SLCO1C1: variants seen among roughly 807,000 people sequenced by gnomAD.
The protein encoded by SLCO1C1 is solute carrier organic anion transporter family member 1C1, also known as OAT-RP-5.
In SLCO1C1, 70 loss-of-function variants were observed where a neutral mutation model predicts 76.4. The ratio of observed to expected loss-of-function variants is 0.92; its 90% CI spans 0.76 to 1.12. SLCO1C1 has a LOEUF of 1.12. Among genes scored for constraint, SLCO1C1 ranks in the 50% most tolerant of loss-of-function variants. The pLI is 0.00. For synonymous variants in SLCO1C1, 306 were observed against 286.1 expected (o/e 1.07, Z -0.70); for missense variants, 912 against 823.8 (o/e 1.11, Z -1.31).
Position 20,743,381 on chromosome 12 carries a change from C to T in SLCO1C1, c.1798+12C>T. 1 of 1,604,236 alleles carries T rather than the reference C, an allele frequency of 6.2e-7. No individual in the cohort carries two copies. Among genetic ancestry groups the T allele is most frequent in the Non-Finnish European group, 8.5e-7 (1 of 1,172,356 alleles). On this transcript the variant is annotated intron_variant, in intron 13 of 14. Transcript: ENST00000266509. ...AATAAGAGTTCTTGGTAAGTTTAAC[C>T]TATGCTTTAATTTATGGTAGACACC...
intron 9 of SLCO1C1, among the ~76,000 whole-genome samples, chr12:20,728,470 C>T (rs1948127579): frequency 6.6e-6 from 1 of 151,686 alleles, no homozygotes; most frequent in Admixed American, 6.6e-5. Context: ...TAGACAAGAT[C>T]TCTAGTAGAC....
intron 13 of SLCO1C1, among the ~76,000 whole-genome samples, chr12:20,746,219 A>G (rs1554144): frequency 0.43 from 65,996 of 151,796 alleles, 17,036 homozygotes; most frequent in South Asian, 0.63. Context: ...AATAGTAGCA[A>G]CCGTAGTAAC....
At chr12:20,743,454 T>G in intron 13 of SLCO1C1, 85 bp downstream of exon 13, 1 of 1,089,328 alleles carries the variant, frequency 9.2e-7, no homozygotes, top group Middle Eastern at 2.4e-4. Context: ...AGAATTGCCA[T>G]GCATAAATAT....
chr12:20,735,780 G>A (rs1243527786), intron 10 of SLCO1C1, among the ~76,000 whole-genome samples: 1 of 152,044 alleles, frequency 6.6e-6, no homozygotes, highest in Non-Finnish European at 1.5e-5. Context: ...AGAGGCAGAG[G>A]CTCAAGTGAT....
At chr12:20,747,932 C>G (rs1381216345) in intron 13 of SLCO1C1, among the ~76,000 whole-genome samples, 1 of 152,206 alleles carries the variant, frequency 6.6e-6, no homozygotes, top group Non-Finnish European at 1.5e-5. Context: ...GTGTCCCTAA[C>G]TACTTACCCA....
Position 20,701,455 on chromosome 12 carries a change from A to G in SLCO1C1, c.267A>G (p.Glu89=). The change falls in exon 3 of 15, where the codon GAA becomes GAG. Residue 89 remains glutamate (E), a synonymous_variant. Transcript: ENST00000266509. ...TGGGAGTTATTGATGGTAGTTTTGA[A>G]ATTGGTAGGTATTACAGATGCCTGA... ...SLVGVIDGSF[E]IGNLLVITFV... is the part of the protein sequence containing the mutation. 6.7e-7 allele frequency: 1 copy of G among 1,502,530 alleles called. No homozygotes were observed. 93.1% of individuals were successfully genotyped at this position (1,502,530 alleles called of 1,614,324 possible).
Position 20,715,141 on chromosome 12 carries a change from TGTGAA to T in SLCO1C1, c.536_540del (p.Glu179GlyfsTer3), listed in dbSNP as rs1565511860. ...CTCTGGTTTGCCTTTCTTTCAAGAA[TGTGAA>T]GTGGACACTAGCTCTTCCATGTGGA... On this transcript the variant is annotated frameshift_variant, in exon 6 of 15. Coordinates refer to ENST00000266509, the MANE Select transcript of SLCO1C1 (RefSeq NM_017435.5). LOFTEE classifies it high-confidence loss of function. 2 of 1,613,728 alleles carry T rather than the reference TGTGAA, an allele frequency of 1.2e-6. No homozygotes were observed. Among genetic ancestry groups the T allele is most frequent in the African/African-American group, 2.7e-5 (2 of 74,930 alleles).
chr12:20,724,033 TA>T (rs985462255), intron 9 of SLCO1C1, among the ~76,000 whole-genome samples: 4 of 152,142 alleles, frequency 2.6e-5, no homozygotes, highest in African/African-American at 9.7e-5. Flanking sequence ...TTTTCTATGA[TA>T]ATCTTGGGTA....
intron 7 of SLCO1C1, among the ~76,000 whole-genome samples, chr12:20,720,880 C>T (rs1300740889): frequency 2.0e-5 from 3 of 151,656 alleles, no homozygotes; most frequent in African/African-American, 7.3e-5. Context: ...GCCTGTAATC[C>T]CAGCTACTAG....
At chr12:20,728,103 G>T (rs754031233) in intron 9 of SLCO1C1, among the ~76,000 whole-genome samples, 4 of 152,172 alleles carry the variant, frequency 2.6e-5, no homozygotes, top group Non-Finnish European at 5.9e-5. Flanking sequence ...GTGATACTGA[G>T]AAGGGTTTTT....
intron 14 of SLCO1C1, among the ~76,000 whole-genome samples, chr12:20,751,551 G>C (rs1949308276): frequency 6.6e-6 from 1 of 152,136 alleles, no homozygotes; most frequent in African/African-American, 2.4e-5. Flanking sequence ...ATTTGTTTGA[G>C]TTAATAGGTT....
intron 13 of SLCO1C1, among the ~76,000 whole-genome samples, chr12:20,745,074 A>C (rs1188334011): frequency 6.6e-6 from 1 of 152,192 alleles, no homozygotes; most frequent in East Asian, 1.9e-4. Context: ...GCATGTGCTA[A>C]GGCATTTTGC....
Position 20,718,244 on chromosome 12 carries a change from A to G in SLCO1C1, c.775+1014A>G, listed in dbSNP as rs569748147. ...AATTAACATGCAGCAATAACCTAGT[A>G]TAAGCATTTTACCCAGTATAATGCA... On this transcript the variant is annotated intron_variant, in intron 7 of 14. Transcript: ENST00000266509. Among the ~76,000 whole-genome samples, 52 of 152,308 alleles carry G rather than the reference A, an allele frequency of 3.4e-4. No homozygotes were observed. In the South Asian group the frequency reaches 7.0e-3, roughly 21 times the overall value.
In SLCO1C1 at chr12:20,711,509, C is replaced by T. The variant is rs771888928; in HGVS notation, c.528C>T (p.Asn176=). The T allele has an allele frequency of 7.1e-5, 115 of 1,612,356 alleles. No homozygotes were observed. In the Admixed American group the frequency reaches 1.1e-3, roughly 15 times the overall value. ...AAAAATCAAAATCCAAAATAAGTAA[C>T]GGTAAGATCATTTTTTTGACTTGAC... is the stretch of plus-strand genomic sequence containing the variant. ...VMEKSKSKIS[N]ECEVDTSSSM... is the part of the protein sequence containing the mutation. Residue 176 remains asparagine, a splice_region_variant and synonymous_variant, in exon 5 of 15, where the codon AAC becomes AAT. Coordinates refer to ENST00000266509, the MANE Select transcript of SLCO1C1 (RefSeq NM_017435.5).
Position 20,752,456 on chromosome 12 carries a change from A to G in SLCO1C1, c.2067A>G (p.Gln689=), listed in dbSNP as rs1402168884. Residue 689 remains glutamine (Q), a synonymous_variant, in exon 15 of 15, where the codon CAA becomes CAG. Transcript: ENST00000266509. ...GAACAATGGTGTCTACAAGATTCCAAAAGGAAAATTACACTACAAGTGATC... is the reference window on the plus strand; with the variant it reads ...GAACAATGGTGTCTACAAGATTCCAGAAGGAAAATTACACTACAAGTGATC... The part of the protein sequence containing the change: ...RERTMVSTRF[Q]KENYTTSDHL... 1.9e-6 allele frequency: 3 copies of G among 1,613,338 alleles called. No homozygotes were observed. In the African/African-American group the frequency reaches 4.0e-5, roughly 22 times the overall value.
chr12:20,734,681 A>T (rs533403708), intron 10 of SLCO1C1, among the ~76,000 whole-genome samples: 1 of 152,336 alleles, frequency 6.6e-6, no homozygotes, highest in Non-Finnish European at 1.5e-5. Flanking sequence ...CACAAAGCAG[A>T]CAACAAAAGC....
rs764714365 is a variant in SLCO1C1 at position 20,732,892 on chromosome 12, T to C, written c.1187-17T>C. 1 of 1,612,540 alleles carries C rather than the reference T, an allele frequency of 6.2e-7. No individual in the cohort carries two copies. Among genetic ancestry groups the C allele is most frequent in the Non-Finnish European group, 8.5e-7 (1 of 1,179,436 alleles). ...TTTTAGAGATTCACAAAATGATATA[T>C]TTTTCTTGTTTCTCAGGGCTCATCA... is the stretch of plus-strand genomic sequence containing the variant. On this transcript the variant is annotated splice_polypyrimidine_tract_variant and intron_variant, in intron 9 of 14. Transcript: ENST00000266509.
chr12:20,717,661 T>C (rs1269455142), intron 7 of SLCO1C1, among the ~76,000 whole-genome samples: 4 of 76,220 alleles, frequency 5.2e-5, no homozygotes, highest in African/African-American at 2.0e-4. Flanking sequence ...TTTTTTTTTT[T>C]TTTTTTTTTT....
intron 13 of SLCO1C1, among the ~76,000 whole-genome samples, chr12:20,748,802 G>T (rs1949164183): frequency 6.6e-6 from 1 of 151,916 alleles, no homozygotes. Context: ...TATTGTTGGT[G>T]GCAATACTAC....
Sources: allele counts gnomAD v4.1 joint callset (sites outside exome capture counted in the v4.1 genomes callset), GRCh38; gene constraint gnomAD v4.1.1; transcripts MANE v1.5; gene names NCBI Gene and HGNC (gene_info 2026-07-23, HGNC 2026-07-21).